The following PRICKLE1 variants were observed in gnomAD, a reference collection of about 807,000 sequenced individuals.
The protein encoded by PRICKLE1 is prickle-like protein 1.
In PRICKLE1, 14 loss-of-function variants were observed where a neutral mutation model predicts 70.2. That is an observed-to-expected ratio of 0.20 (90% CI 0.13 to 0.31). PRICKLE1 has a LOEUF of 0.31. PRICKLE1 is among the 10% of genes least tolerant of loss of function. PRICKLE1 has a pLI of 1.00. For synonymous variants in PRICKLE1, 357 were observed against 379.9 expected (o/e 0.94, Z 0.70); for missense variants, 821 against 1,026.2 (o/e 0.80, Z 2.73).
chr12:42,517,306 ATTTTTT>A (rs71794718), intron 1 of PRICKLE1, among the ~76,000 whole-genome samples: 8 of 88,952 alleles, frequency 9.0e-5, no homozygotes, highest in East Asian at 7.2e-4. Context: ...TCAGTCTGCC[ATTTTTT>A]TTTTTTTTTT....
chr12:42,461,932 G>C (rs978813153), intron 7 of PRICKLE1, among the ~76,000 whole-genome samples: 4 of 151,908 alleles, frequency 2.6e-5, no homozygotes, highest in Non-Finnish European at 5.9e-5. Context: ...CCGAGTAGCT[G>C]GGATTACAGG....
chr12:42,493,301 C>T (rs758685881), intron 1 of PRICKLE1, among the ~76,000 whole-genome samples: 1 of 152,164 alleles, frequency 6.6e-6, no homozygotes, highest in Non-Finnish European at 1.5e-5. Context: ...CTATGCACTG[C>T]AAACCTGTAT....
chr12:42,460,659 G>A lies in PRICKLE1; in HGVS notation c.1646C>T (p.Ser549Leu), dbSNP rs370892022. Reference sequence around the variant, plus strand: ...CCTTGGCTTGTTTTCTCCATCCACCGAAGCCCCTAGAAGAGAGGCCAAAAC... The same window carrying A: ...CCTTGGCTTGTTTTCTCCATCCACCAAAGCCCCTAGAAGAGAGGCCAAAAC... ...SLALSNITGA[S>L]VDGENKPRPS... The change falls in exon 8 of 8, where the codon TCG (serine) becomes TTG (leucine). Residue 549 changes from serine to leucine, a missense_variant. Ser to Leu is a moderately radical substitution (Grantham distance 145). Transcript: ENST00000345127. The A allele has an allele frequency of 2.5e-5, 40 of 1,607,552 alleles. No individual in the cohort carries two copies. The Middle Eastern group carries it at 6.6e-4, about 26-fold the overall frequency.
chr12:42,529,602 A>T (rs2120534460), intron 1 of PRICKLE1, among the ~76,000 whole-genome samples: 1 of 152,210 alleles, frequency 6.6e-6, no homozygotes, highest in East Asian at 1.9e-4. Flanking sequence ...TCTTTAGATC[A>T]AAAGTTAAGA....
rs374657704 is a variant in PRICKLE1, at chr12:42,460,187, G to A, written c.2118C>T (p.Pro706=). 13 of 1,614,070 alleles carry A rather than the reference G, an allele frequency of 8.1e-6. No homozygotes were observed. The highest frequency in any genetic ancestry group is 4.5e-5 in the East Asian group (2 of 44,888). ...SPKDRLRLYT[P]DNYEKFIQNK... ...TCTGTATAAATTTCTCATAGTTATC[G>A]GGGGTGTACAGCCGCAGTCTGTCCT... The change falls in exon 8 of 8, where the codon CCC becomes CCT. Residue 706 remains proline, a synonymous_variant. Transcript: ENST00000345127.
chr12:42,519,109 T>G (rs911958654), intron 1 of PRICKLE1, among the ~76,000 whole-genome samples: 3 of 152,028 alleles, frequency 2.0e-5, no homozygotes, highest in Admixed American at 2.0e-4. Context: ...GTGTTCAACA[T>G]GAAGAATTCT....
chr12:42,508,794 C>A (rs4768416), intron 1 of PRICKLE1, among the ~76,000 whole-genome samples: 87,820 of 151,876 alleles, frequency 0.58, 25,681 homozygotes, highest in East Asian at 0.72. Context: ...GGAATGGAGA[C>A]GAACAGGGCT....
At chr12:42,517,513 C>G (rs1260833452) in intron 1 of PRICKLE1, among the ~76,000 whole-genome samples, 3 of 151,920 alleles carry the variant, frequency 2.0e-5, no homozygotes, top group Admixed American at 2.0e-4. Context: ...GGGGTTTCAC[C>G]GTGTTAGCCA....
At chr12:42,570,374 T>C (rs1242022117) in intron 1 of PRICKLE1, among the ~76,000 whole-genome samples, 11 of 152,232 alleles carry the variant, frequency 7.2e-5, no homozygotes, top group African/African-American at 2.4e-4. Context: ...TTTCAACAGC[T>C]CACAGAATTA....
rs563916303 is a variant in PRICKLE1 at position 42,563,658 on chromosome 12, G to A, written c.-49+25807C>T. The stretch of plus-strand genomic sequence containing the variant: ...GCGGAGCTTGCAGTGAGCCGAGATC[G>A]TGCCACTGCACTCCAGCCTGGGTGA... On this transcript the variant is annotated intron_variant, in intron 1 of 7. Transcript: ENST00000345127. 2.5e-3 allele frequency among the ~76,000 whole-genome samples: 332 copies of A among 134,256 alleles called. 1 individual carries two copies. The highest frequency in any genetic ancestry group is 2.9e-3 in the Non-Finnish European group (187 of 65,030). 88.1% of individuals were successfully genotyped at this position (134,256 alleles called of 152,430 possible). A position where few individuals can be genotyped will look rare whatever the true frequency, so the allele number is the denominator to read the frequency against.
intron 1 of PRICKLE1, among the ~76,000 whole-genome samples, chr12:42,505,690 C>T (rs1375886844): frequency 1.3e-5 from 2 of 152,202 alleles, no homozygotes; most frequent in Non-Finnish European, 2.9e-5. Flanking sequence ...CCTGCCTCAG[C>T]CTCCCAAAAT....
At chr12:42,489,625 C>T (rs1282006435) in intron 1 of PRICKLE1, 1 of 116,754 alleles carries the variant, frequency 8.6e-6, no homozygotes, top group African/African-American at 3.2e-5. Context: ...AGCCATTGCA[C>T]TTAAACCTGG....
Position 42,465,135 on chromosome 12 carries a change from A to G in PRICKLE1, c.899T>C (p.Ile300Thr). 6.3e-7 allele frequency: 1 copy of G among 1,581,696 alleles called. No homozygotes were observed. Among genetic ancestry groups the G allele is most frequent in the Non-Finnish European group, 8.6e-7 (1 of 1,168,482 alleles). The change falls in exon 7 of 8, where the codon ATT becomes ACT. Residue 300 changes from isoleucine to threonine, a missense_variant. By Grantham distance (89) the Ile-to-Thr change is moderately conservative. Transcript: ENST00000345127. ...GCPFLPKQGQ[I>T]YCSKTCSLGE... ...AAGACTGCACGTTTTTGAGCAGTAA[A>G]TCTGACCCTGTTTGGGAAGGAAGGG...
At chr12:42,476,701 AGTGGCACAATCATGGCTTATTGCAG>A (rs1938550095) in intron 1 of PRICKLE1, among the ~76,000 whole-genome samples, 2 of 152,108 alleles carry the variant, frequency 1.3e-5, no homozygotes, top group African/African-American at 4.8e-5. Context: ...GCTGGAGTGC[AGTGGCACAATCATGGCTTATTGCAG>A]CCTGTCTACC....
At chr12:42,476,830 T>C (rs1481656774) in intron 1 of PRICKLE1, among the ~76,000 whole-genome samples, 1 of 149,986 alleles carries the variant, frequency 6.7e-6, no homozygotes, top group Non-Finnish European at 1.5e-5. Context: ...TTTTGTTTTT[T>C]GTAGAGATGG....
intron 1 of PRICKLE1, among the ~76,000 whole-genome samples, chr12:42,586,507 C>T (rs993551990): frequency 6.6e-6 from 1 of 151,958 alleles, no homozygotes; most frequent in Non-Finnish European, 1.5e-5. Context: ...AGCACCACTA[C>T]ATGTAGCTTT....
At chr12:42,527,123 T>C (rs1013909425) in intron 1 of PRICKLE1, among the ~76,000 whole-genome samples, 1 of 124,584 alleles carries the variant, frequency 8.0e-6, no homozygotes, top group Non-Finnish European at 1.6e-5. Context: ...CTTTTTTTTT[T>C]TCCTCTTTTT....
rs546463267 is a variant in PRICKLE1, at chr12:42,514,741, A to G, written c.-48-42177T>C. Among the ~76,000 whole-genome samples, 74 of 152,254 alleles carry G rather than the reference A, an allele frequency of 4.9e-4. 1 individual carries two copies. Among genetic ancestry groups the G allele is most frequent in the South Asian group, 1.0e-3 (5 of 4,824 alleles). On this transcript the variant is annotated intron_variant, in intron 1 of 7. Coordinates refer to ENST00000345127, the MANE Select transcript of PRICKLE1 (RefSeq NM_153026.3). The stretch of plus-strand genomic sequence containing the variant: ...CAAGCACATCGTTTAAAAACCAAAC[A>G]GTCCTAAAAGGCTTGTTTTGAGAAA...
chr12:42,539,806 A>C (rs981695253), intron 1 of PRICKLE1, among the ~76,000 whole-genome samples: 18 of 152,224 alleles, frequency 1.2e-4, no homozygotes, highest in African/African-American at 4.1e-4. Flanking sequence ...AAGCAACAAG[A>C]AAAAAGTTTT....
Sources: gnomAD v4.1 joint callset for allele counts (sites outside exome capture counted in the v4.1 genomes callset) on GRCh38, gnomAD v4.1.1 for gene constraint, MANE v1.5 for transcripts, NCBI Gene and HGNC (gene_info 2026-07-23, HGNC 2026-07-21) for gene names.